PIBF1: variants seen among roughly 807,000 people sequenced by gnomAD.
PIBF1 encodes progesterone immunomodulatory binding factor 1, also known as progesterone-induced-blocking factor 1.
In PIBF1, 90 loss-of-function variants were observed where a neutral mutation model predicts 112.5. The observed-to-expected ratio is 0.80, with a 90% CI of 0.67 to 0.95. The LOEUF (loss-of-function observed/expected upper bound fraction) is 0.95. PIBF1 is among the 40% of genes least tolerant of loss of function. The pLI, the probability that PIBF1 is intolerant of heterozygous loss-of-function variation, is 0.00. For synonymous variants in PIBF1, 301 were observed against 288.6 expected (o/e 1.04, Z -0.44); for missense variants, 915 against 852.3 (o/e 1.07, Z -0.92).
At chr13:72,893,160 T>C (rs970686435) in intron 10 of PIBF1, among the ~76,000 whole-genome samples, 1 of 152,186 alleles carries the variant, frequency 6.6e-6, no homozygotes. Flanking sequence ...ATTTATAGTA[T>C]GTGGTGATTT....
chr13:72,980,008 A>T lies in PIBF1; in HGVS notation c.2049+6333A>T, dbSNP rs189927041. ...TTAGGGACTGATGAAGAGAGGAGGGATGAGAATTGATGCCTAGGTTTTTGG... is the reference window on the plus strand; with the variant it reads ...TTAGGGACTGATGAAGAGAGGAGGGTTGAGAATTGATGCCTAGGTTTTTGG... On this transcript the variant is annotated intron_variant, in intron 16 of 17. Transcript: ENST00000326291. Among the ~76,000 whole-genome samples the T allele has an allele frequency of 4.6e-3, 696 of 152,220 alleles. 3 individuals are homozygous for T. Among genetic ancestry groups the T allele is most frequent in the Admixed American group, 9.9e-3 (151 of 15,280 alleles).
At chr13:72,984,781 T>C (rs763634393) in intron 16 of PIBF1, among the ~76,000 whole-genome samples, 8 of 152,212 alleles carry the variant, frequency 5.3e-5, no homozygotes, top group Non-Finnish European at 8.8e-5. Flanking sequence ...CATTATCTTC[T>C]TTTAAATTAT....
chr13:72,848,964 C>T (rs905936407), intron 9 of PIBF1, among the ~76,000 whole-genome samples: 11 of 152,150 alleles, frequency 7.2e-5, no homozygotes, highest in South Asian at 2.1e-4. Flanking sequence ...TTAATAGCAC[C>T]CTCTTTTATT....
At chr13:72,958,205 A>C (rs1290640351) in intron 14 of PIBF1, among the ~76,000 whole-genome samples, 3 of 150,386 alleles carry the variant, frequency 2.0e-5, no homozygotes, top group East Asian at 4.0e-4. Context: ...GTGATTAAGT[A>C]AGTCTAGAAT....
At chr13:72,790,680 A>C (rs545551655) in intron 2 of PIBF1, among the ~76,000 whole-genome samples, 1 of 152,302 alleles carries the variant, frequency 6.6e-6, no homozygotes, top group South Asian at 2.1e-4. Context: ...TAGAAAGCTT[A>C]AGAGTATTTA....
chr13:72,975,357 A>G lies in PIBF1; in HGVS notation c.2049+1682A>G, dbSNP rs1594301054. Among the ~76,000 whole-genome samples the G allele has an allele frequency of 3.3e-5, 5 of 152,280 alleles. No homozygotes were observed. The South Asian group carries it at 8.3e-4, about 25-fold the overall frequency. ...GGTGTGAGCCACCGCGCCCGACCAG[A>G]AAACAAAACATTTAAAACATATCAT... On this transcript the variant is annotated intron_variant, in intron 16 of 17. Transcript: ENST00000326291.
intron 8 of PIBF1, among the ~76,000 whole-genome samples, chr13:72,833,156 T>C (rs188550058): frequency 3.9e-5 from 6 of 152,336 alleles, no homozygotes; most frequent in Non-Finnish European, 2.9e-5. Flanking sequence ...TTATTCTAGT[T>C]AGCAATTTGT....
At chr13:72,835,165 A>G (rs987454472) in intron 8 of PIBF1, 78 bp from the exon 9 acceptor site, 20 of 987,166 alleles carry the variant, frequency 2.0e-5, no homozygotes, top group Non-Finnish European at 2.7e-5. Flanking sequence ...GATAAAAGGT[A>G]TTAAAATCTT....
At chr13:72,991,809 C>T (rs2043491103) in intron 16 of PIBF1, among the ~76,000 whole-genome samples, 1 of 152,020 alleles carries the variant, frequency 6.6e-6, no homozygotes, top group Non-Finnish European at 1.5e-5. Context: ...ACCTCCACCT[C>T]CCGGATTCAT....
At chr13:72,806,074 A>G (rs2035714846) in intron 5 of PIBF1, among the ~76,000 whole-genome samples, 1 of 152,250 alleles carries the variant, frequency 6.6e-6, no homozygotes, top group Non-Finnish European at 1.5e-5. Flanking sequence ...AGTGAATAAC[A>G]TAACATTAAA....
Position 72,900,203 on chromosome 13 carries a change from A to G in PIBF1, c.1488+6254A>G, listed in dbSNP as rs373444467. On this transcript the variant is annotated intron_variant, in intron 11 of 17. Coordinates refer to ENST00000326291, the MANE Select transcript of PIBF1 (RefSeq NM_006346.4). The stretch of plus-strand genomic sequence containing the variant: ...CAAAAGAATCTACAAATTTAATGCA[A>G]CCCCCATCAAAATACCACCATCATT... Among the ~76,000 whole-genome samples the G allele has an allele frequency of 1.3e-4, 20 of 152,232 alleles. No homozygotes were observed. The East Asian group carries it at 3.9e-3, about 29-fold the overall frequency.
chr13:72,923,207 T>C (rs1430356562), intron 13 of PIBF1, among the ~76,000 whole-genome samples: 1 of 152,216 alleles, frequency 6.6e-6, no homozygotes, highest in Non-Finnish European at 1.5e-5. Flanking sequence ...CCATTGTGCT[T>C]TGATATCTCA....
At chr13:72,980,098 A>G (rs914804622) in intron 16 of PIBF1, among the ~76,000 whole-genome samples, 6 of 152,186 alleles carry the variant, frequency 3.9e-5, no homozygotes, top group Non-Finnish European at 8.8e-5. Context: ...AAAGTTCAAG[A>G]AAATATCTAA....
intron 10 of PIBF1, among the ~76,000 whole-genome samples, chr13:72,889,985 A>C (rs865778486): frequency 6.6e-6 from 1 of 152,210 alleles, no homozygotes; most frequent in South Asian, 2.1e-4. Flanking sequence ...TAAGCAGTTA[A>C]AATGGGTTAA....
In PIBF1 at chr13:72,908,712, C is replaced by T. The variant is rs199583488; in HGVS notation, c.1639+31C>T. The T allele has an allele frequency of 4.2e-4, 599 of 1,433,288 alleles. 4 individuals carry two copies. In the South Asian group the frequency reaches 4.7e-3, roughly 11 times the overall value. 88.8% of individuals were successfully genotyped at this position (1,433,288 alleles called of 1,614,324 possible). On this transcript the variant is annotated intron_variant, in intron 12 of 17. Transcript: ENST00000326291. ...TCTTCCCCCACACACACATGCACAACTTTTTTTTTTCTGGCAACAAAAGAC... is the reference window on the plus strand; with the variant it reads ...TCTTCCCCCACACACACATGCACAATTTTTTTTTTTCTGGCAACAAAAGAC...
intron 16 of PIBF1, among the ~76,000 whole-genome samples, chr13:72,995,442 G>A (rs925928688): frequency 7.9e-5 from 12 of 151,996 alleles, no homozygotes; most frequent in Admixed American, 1.3e-4. Flanking sequence ...TGCATAAATA[G>A]ACAGACTGTA....
rs3077704 is a variant in PIBF1, at chr13:72,931,718, G to GTATATATATATATATATATATATATA, written c.1833+476_1833+477insATATATATATATATATATATATATAT. Among the ~76,000 whole-genome samples the GTATATATATATATATATATATATATA allele has an allele frequency of 2.0e-3, 204 of 101,846 alleles. 8 individuals are homozygous for GTATATATATATATATATATATATATA. Among genetic ancestry groups the GTATATATATATATATATATATATATA allele is most frequent in the Non-Finnish European group, 2.6e-3 (134 of 50,642 alleles). 66.8% of individuals were successfully genotyped at this position (101,846 alleles called of 152,430 possible). A position where few individuals can be genotyped will look rare whatever the true frequency, so the allele number is the denominator to read the frequency against. ...CTTAGCCTTATGTCATTTAAACTAC[G>GTATATATATATATATATATATATATA]TATATATATATATATATATATATAT... On this transcript the variant is annotated intron_variant, in intron 14 of 17. Coordinates refer to ENST00000326291, the MANE Select transcript of PIBF1 (RefSeq NM_006346.4).
chr13:73,011,579 C>T lies in PIBF1; in HGVS notation c.2224-4290C>T, dbSNP rs373163876. Among the ~76,000 whole-genome samples, 4 of 152,146 alleles carry T rather than the reference C, an allele frequency of 2.6e-5. No individual in the cohort carries two copies. In the East Asian group the frequency reaches 5.8e-4, roughly 22 times the overall value. On this transcript the variant is annotated intron_variant, in intron 17 of 17. Coordinates refer to ENST00000326291, the MANE Select transcript of PIBF1 (RefSeq NM_006346.4). ...GGGAAAAACTCAATACCCAATCCAG[C>T]CCACCTAGCCATCATGGCCCACCTA...
chr13:72,795,496 A>G lies in PIBF1; in HGVS notation c.491A>G (p.Glu164Gly). 1 of 1,608,384 alleles carries G rather than the reference A, an allele frequency of 6.2e-7. No individual in the cohort carries two copies. Among genetic ancestry groups the G allele is most frequent in the Non-Finnish European group, 8.5e-7 (1 of 1,178,016 alleles). Residue 164 changes from glutamate to glycine, a missense_variant, in exon 4 of 18, where the codon GAG becomes GGG. Physicochemically the swap from Glu to Gly is moderately conservative, Grantham distance 98. Transcript: ENST00000326291. ...CTGCGTGACTTTGAGTTGACAGAAG[A>G]GCAATATATTAAATTAAAAGCTTTT... is the stretch of plus-strand genomic sequence containing the variant. The part of the protein sequence containing the change: ...RNLRDFELTE[E>G]QYIKLKAFPE...
Sources: allele counts gnomAD v4.1 joint callset (sites outside exome capture counted in the v4.1 genomes callset), GRCh38; gene constraint gnomAD v4.1.1; transcripts MANE v1.5; gene names NCBI Gene and HGNC (gene_info 2026-07-23, HGNC 2026-07-21).